Variants in TNNC2 observed in about 807,000 individuals in gnomAD.
TNNC2 encodes troponin C, skeletal muscle.
TNNC2 carries 14 observed loss-of-function variants against 20.0 expected under a neutral mutation model. The observed-to-expected ratio is 0.70, with a 90% CI of 0.46 to 1.09. The LOEUF is 1.09. Among genes scored for constraint, TNNC2 ranks in the 50% least tolerant of loss-of-function variants. The probability of loss-of-function intolerance (pLI) is 0.00; values close to 1 mark genes in which losing one functional copy is unlikely to be tolerated. For synonymous variants in TNNC2, 81 were observed against 77.3 expected (o/e 1.05, Z -0.25); for missense variants, 163 against 223.8 (o/e 0.73, Z 1.73).
At chr20:45,828,977 G>A (rs946080986), upstream of TNNC2, among the ~76,000 whole-genome samples, 2 of 151,872 alleles carry the variant, frequency 1.3e-5, no homozygotes, top group South Asian at 4.2e-4. Flanking sequence ...ATTGTTTTTT[G>A]GTTTTTTGGG....
In TNNC2 at chr20:45,823,312, G is replaced by A. The variant is rs763023883; in HGVS notation, c.*36C>T. The stretch of plus-strand genomic sequence containing the variant: ...CAGGGCGGAGTCTCCCACACCCTAG[G>A]GACACGCGATCTTGGTAGAGGCGAC... On this transcript the variant is annotated 3_prime_UTR_variant, in exon 6 of 6. Transcript: ENST00000372555. This position sits in a 1 kb window ranked among gnomAD's most constrained non-coding sequence, Gnocchi z 4.6. The A allele has an allele frequency of 1.3e-6, 2 of 1,565,708 alleles. No individual in the cohort carries two copies. The highest frequency in any genetic ancestry group is 2.4e-5 in the South Asian group (2 of 84,652).
At chr20:45,824,670 C>G in intron 2 of TNNC2, 32 bp from the exon 3 acceptor site, 2 of 1,606,216 alleles carry the variant, frequency 1.2e-6, no homozygotes, top group Non-Finnish European at 8.5e-7. Flanking sequence ...AGAGGTGAGG[C>G]CTGCTGGACT....
At chr20:45,824,190 C>CTTCACAGGTCTATGAAT in intron 4 of TNNC2, 63 bp from the exon 5 acceptor site, 1 of 1,600,450 alleles carries the variant, frequency 6.2e-7, no homozygotes, top group Non-Finnish European at 8.5e-7. Flanking sequence ...CCACCACACT[C>CTTCACAGGTCTATGAAT]GACGCCCCGC....
intron 2 of TNNC2, 69 bp downstream of exon 2, chr20:45,824,714 C>T: frequency 6.9e-6 from 11 of 1,599,222 alleles, no homozygotes; most frequent in Non-Finnish European, 6.8e-6. Context: ...CCAACCCCCA[C>T]CCTGCCTAGA....
At chr20:45,824,198 C>A in intron 4 of TNNC2, 71 bp from the exon 5 acceptor site, 1 of 1,599,108 alleles carries the variant, frequency 6.3e-7, no homozygotes, top group Non-Finnish European at 8.5e-7. Context: ...CTCGACGCCC[C>A]GCTTCCGCAC....
At chr20:45,831,076 G>A (rs1416423320), upstream of TNNC2, among the ~76,000 whole-genome samples, 1 of 151,954 alleles carries the variant, frequency 6.6e-6, no homozygotes, top group African/African-American at 2.4e-5. Context: ...ATCTCTTCAG[G>A]CCAAGAGTTC....
chr20:45,824,272 C>A lies in TNNC2; in HGVS notation c.314+20G>T. The stretch of plus-strand genomic sequence containing the variant: ...TCTGACTGCTAAGCCCCTCCCTCGG[C>A]TCCCGGGCCCCCAGCGCACCTGTCG... On this transcript the variant is annotated intron_variant, in intron 4 of 5. Transcript: ENST00000372555. 6.2e-7 allele frequency: 1 copy of A among 1,608,372 alleles called. No homozygotes were observed. The highest frequency in any genetic ancestry group is 1.1e-5 in the South Asian group (1 of 91,052).
chr20:45,827,657 C>T (rs563055769), upstream of TNNC2, among the ~76,000 whole-genome samples: 5 of 152,244 alleles, frequency 3.3e-5, no homozygotes, highest in East Asian at 5.8e-4. Context: ...GAGTACAAGC[C>T]TTGAAGTCCA....
chr20:45,827,016 C>T (rs1358994977), intron 1 of TNNC2, among the ~76,000 whole-genome samples: 1 of 152,190 alleles, frequency 6.6e-6, no homozygotes, highest in Non-Finnish European at 1.5e-5. Context: ...TGGAAGTTTC[C>T]AGAAGTGAGT....
intron 4 of TNNC2, 74 bp downstream of exon 4, chr20:45,824,218 G>A (rs1234802707): frequency 1.0e-5 from 16 of 1,599,646 alleles, no homozygotes; most frequent in Non-Finnish European, 1.4e-5. Flanking sequence ...CTCCCAACAC[G>A]GGGAAGCTTC....
upstream of TNNC2, among the ~76,000 whole-genome samples, chr20:45,832,227 T>C (rs898713141): frequency 1.3e-5 from 2 of 152,144 alleles, no homozygotes; most frequent in African/African-American, 4.8e-5. Context: ...GGAGAATTGC[T>C]TGAACCTGGG....
Position 45,823,992 on chromosome 20 carries a change from G to C in TNNC2, c.450C>G (p.Asp150Glu). 1 of 1,614,046 alleles carries C rather than the reference G, an allele frequency of 6.2e-7. No individual in the cohort carries two copies. The highest frequency in any genetic ancestry group is 8.5e-7 in the Non-Finnish European group (1 of 1,179,984). The change falls in exon 5 of 6, where the codon GAC becomes GAG. Residue 150 changes from aspartate (D) to glutamate (E), a missense_variant and splice_region_variant. Transcript: ENST00000372555. The surrounding 1 kb of genome is among the most constrained non-coding windows in gnomAD (Gnocchi z 4.6). ...TCCCAAGCTCCCGTTGGCCCTCACC[G>C]TCGAAGTCAATGCGGCCGTCGTTGT... ...DKNNDGRIDF[D>E]EFLKMMEGVQ
chr20:45,831,326 C>T (rs1418728293), upstream of TNNC2, among the ~76,000 whole-genome samples: 2 of 151,506 alleles, frequency 1.3e-5, no homozygotes, highest in East Asian at 2.0e-4. Flanking sequence ...TCTCTAATCC[C>T]AGCACTTTGG....
At chr20:45,824,746 C>T in intron 2 of TNNC2, 37 bp downstream of exon 2, 1 of 1,149,074 alleles carries the variant, frequency 8.7e-7, no homozygotes, top group South Asian at 1.2e-5. Context: ...CCCCAGCATA[C>T]ATCCACCCAG....
chr20:45,831,710 C>T (rs6017699), upstream of TNNC2, among the ~76,000 whole-genome samples: 1 of 152,140 alleles, frequency 6.6e-6, no homozygotes, highest in African/African-American at 2.4e-5. Flanking sequence ...AATGCGCAAC[C>T]TTCAGATCTC....
chr20:45,828,491 T>G (rs1568721613), upstream of TNNC2, among the ~76,000 whole-genome samples: 1 of 152,328 alleles, frequency 6.6e-6, no homozygotes, highest in East Asian at 1.9e-4. Context: ...AAGATCCTTC[T>G]CTGAAAGTTA....
intron 4 of TNNC2, 42 bp from the exon 5 acceptor site, chr20:45,824,169 A>T (rs1982890242): frequency 1.2e-6 from 2 of 1,603,828 alleles, no homozygotes; most frequent in Non-Finnish European, 1.7e-6. Flanking sequence ...GGCCGGGGCG[A>T]GCTGCCCTGG....
At position 45,823,974 on chromosome 20, in the gene TNNC2, C is replaced by T. The variant is rs1272518217; in HGVS notation, c.451+17G>A. 2 of 1,613,764 alleles carry T rather than the reference C, an allele frequency of 1.2e-6. No individual in the cohort carries two copies. The highest frequency in any genetic ancestry group is 1.3e-5 in the African/African-American group (1 of 74,938). The stretch of plus-strand genomic sequence containing the variant: ...GGGGCTCCCACCCGCTCTTCCCAAG[C>T]TCCCGTTGGCCCTCACCGTCGAAGT... On this transcript the variant is annotated intron_variant, in intron 5 of 5. Transcript: ENST00000372555. The surrounding 1 kb of genome is among the most constrained non-coding windows in gnomAD (Gnocchi z 4.6).
chr20:45,825,152 T>A (rs1226292833), intron 1 of TNNC2, among the ~76,000 whole-genome samples: 2 of 146,454 alleles, frequency 1.4e-5, no homozygotes, highest in Non-Finnish European at 3.1e-5. Flanking sequence ...ATTTTTAAAA[T>A]TTTTTGTAGA....
Sources: gnomAD v4.1 joint callset for allele counts (sites outside exome capture counted in the v4.1 genomes callset) on GRCh38, gnomAD v4.1.1 for gene constraint, Gnocchi (gnomAD v3.1) non-coding constraint, MANE v1.5 for transcripts, NCBI Gene and HGNC (gene_info 2026-07-23, HGNC 2026-07-21) for gene names.